The following GALNT13 variants were observed in gnomAD, a reference collection of about 807,000 sequenced individuals.
GALNT13 encodes the protein UDP-GalNAc:polypeptide N-acetylgalactosaminyltransferase 13.
GALNT13 carries 28 observed loss-of-function variants against 64.2 expected under a neutral mutation model. That is an observed-to-expected ratio of 0.44 (90% CI 0.32 to 0.60). The LOEUF is 0.60. Ranked by LOEUF, GALNT13 falls within the 20% of genes least tolerant of loss-of-function variation. The pLI, the probability that GALNT13 is intolerant of heterozygous loss-of-function variation, is 0.05. For missense variants in GALNT13, 577 were observed against 669.8 expected (o/e 0.86, Z 1.53); for synonymous variants, 214 against 224.6 (o/e 0.95, Z 0.42).
the GALNT13 span, among the ~76,000 whole-genome samples, chr2:153,365,656 C>G: frequency 6.6e-6 from 1 of 152,302 alleles, no homozygotes; most frequent in Non-Finnish European, 1.5e-5. Context: ...CTCAACATCA[C>G]TAGTCATTAG....
At chr2:154,148,063 C>A (rs978285558) in intron 4 of GALNT13, among the ~76,000 whole-genome samples, 3 of 151,994 alleles carry the variant, frequency 2.0e-5, no homozygotes, top group African/African-American at 7.2e-5. Flanking sequence ...TGCTATCCCT[C>A]CACCCTCCAC....
chr2:153,717,972 T>C, the GALNT13 span, among the ~76,000 whole-genome samples: 1 of 152,076 alleles, frequency 6.6e-6, no homozygotes, highest in African/African-American at 2.4e-5. Context: ...TTTTTTTTTT[T>C]ATTCAAAGCC....
intron 3 of GALNT13, among the ~76,000 whole-genome samples, chr2:154,017,519 T>C (rs1362621824): frequency 6.6e-6 from 1 of 152,212 alleles, no homozygotes; most frequent in African/African-American, 2.4e-5. Context: ...TTGTTCTTTA[T>C]AGATTACTAG....
chr2:153,594,750 T>C, the GALNT13 span, among the ~76,000 whole-genome samples: 4 of 152,260 alleles, frequency 2.6e-5, no homozygotes, highest in East Asian at 7.7e-4. Context: ...TAAGTACAAA[T>C]TGTAAACACA....
At chr2:153,884,920 T>C (rs1490266862) in intron 1 of GALNT13, among the ~76,000 whole-genome samples, 9 of 142,624 alleles carry the variant, frequency 6.3e-5, no homozygotes, top group African/African-American at 2.3e-4. Context: ...GCACTTCTAG[T>C]CCCAGCTACT....
At chr2:153,962,664 A>G (rs1440512358) in intron 3 of GALNT13, among the ~76,000 whole-genome samples, 3 of 152,326 alleles carry the variant, frequency 2.0e-5, no homozygotes, top group Non-Finnish European at 2.9e-5. Context: ...TTCCAAAATC[A>G]TCTTTATTAA....
chr2:153,791,081 G>A, the GALNT13 span, among the ~76,000 whole-genome samples: 1 of 151,956 alleles, frequency 6.6e-6, no homozygotes, highest in Admixed American at 6.6e-5. Flanking sequence ...AGATTAAATA[G>A]GCATATTACA....
At chr2:154,259,282 T>C in intron 8 of GALNT13, 144 bp downstream of exon 8, 1 of 634,574 alleles carries the variant, frequency 1.6e-6, no homozygotes, top group Non-Finnish European at 2.8e-6. Context: ...CACATTTTGA[T>C]TTGACAGAGT....
chr2:154,051,342 C>T (rs1224383514), intron 3 of GALNT13, among the ~76,000 whole-genome samples: 1 of 135,418 alleles, frequency 7.4e-6, no homozygotes, highest in Non-Finnish European at 1.5e-5. Flanking sequence ...GGACTGCGGA[C>T]TGCAGTGGCG....
the GALNT13 span, among the ~76,000 whole-genome samples, chr2:153,804,950 A>G: frequency 2.0e-5 from 3 of 152,138 alleles, no homozygotes; most frequent in East Asian, 5.8e-4. Flanking sequence ...AAGTGGCAGA[A>G]CCTAAAAGTT....
At chr2:154,380,395 A>G (rs1698209898) in intron 9 of GALNT13, among the ~76,000 whole-genome samples, 1 of 152,022 alleles carries the variant, frequency 6.6e-6, no homozygotes, top group Non-Finnish European at 1.5e-5. Flanking sequence ...CATTTTGGTA[A>G]AAGGTGATAG....
intron 9 of GALNT13, among the ~76,000 whole-genome samples, chr2:154,327,777 A>C (rs1316313535): frequency 1.3e-5 from 2 of 152,248 alleles, no homozygotes; most frequent in East Asian, 3.9e-4. Context: ...CACTGCTAAC[A>C]ATGTACTCCT....
the GALNT13 span, among the ~76,000 whole-genome samples, chr2:153,252,402 T>G: frequency 7.7e-6 from 1 of 130,186 alleles, no homozygotes. Context: ...TTGTGAAAAT[T>G]TTCTCCCATT....
At chr2:153,918,605 C>A (rs1476540807) in intron 2 of GALNT13, among the ~76,000 whole-genome samples, 2 of 152,104 alleles carry the variant, frequency 1.3e-5, no homozygotes, top group African/African-American at 4.8e-5. Context: ...TTCTCCCCTT[C>A]TATTGATGCC....
chr2:153,078,318 CTTT>C, the GALNT13 span, among the ~76,000 whole-genome samples: 9 of 134,016 alleles, frequency 6.7e-5, no homozygotes, highest in African/African-American at 1.1e-4. Context: ...CCTTTTCATT[CTTT>C]TTTTTTTTTT....
At chr2:154,415,259 A>G (rs748099815) in intron 11 of GALNT13, among the ~76,000 whole-genome samples, 6 of 152,108 alleles carry the variant, frequency 3.9e-5, no homozygotes, top group Non-Finnish European at 7.4e-5. Flanking sequence ...TAAAAATTCA[A>G]TGCTGTTTCC....
chr2:154,025,485 A>G (rs1697888271), intron 3 of GALNT13, among the ~76,000 whole-genome samples: 1 of 152,186 alleles, frequency 6.6e-6, no homozygotes, highest in Admixed American at 6.5e-5. Context: ...ACGCTAATCA[A>G]CAGTATGTAC....
At chr2:154,099,325 T>C (rs993383817) in intron 3 of GALNT13, among the ~76,000 whole-genome samples, 6 of 152,194 alleles carry the variant, frequency 3.9e-5, no homozygotes, top group African/African-American at 1.2e-4. Context: ...TACTCTTTAG[T>C]CAGAGGCATA....
the GALNT13 span, among the ~76,000 whole-genome samples, chr2:153,638,314 A>T: frequency 6.6e-6 from 1 of 152,150 alleles, no homozygotes; most frequent in East Asian, 1.9e-4. Flanking sequence ...TGTAAACAAA[A>T]TTGCTTTGGA....
Sources: allele counts gnomAD v4.1 joint callset (sites outside exome capture counted in the v4.1 genomes callset), GRCh38; gene constraint gnomAD v4.1.1; transcripts MANE v1.5; gene names NCBI Gene and HGNC (gene_info 2026-07-23, HGNC 2026-07-21).